MYO18B: variants seen among roughly 807,000 people sequenced by gnomAD.
The protein encoded by MYO18B is myosin XVIIIB.
MYO18B carries 204 observed loss-of-function variants against 273.0 expected under a neutral mutation model. The ratio of observed to expected loss-of-function variants is 0.75; its 90% CI spans 0.67 to 0.84. MYO18B has a LOEUF of 0.84. Among genes scored for constraint, MYO18B ranks in the 40% least tolerant of loss-of-function variants. The pLI, the probability that MYO18B is intolerant of heterozygous loss-of-function variation, is 0.00. For missense variants in MYO18B, 3,212 were observed against 3,287.6 expected (o/e 0.98, Z 0.56); for synonymous variants, 1,330 against 1,305.7 (o/e 1.02, Z -0.40).
chr22:25,914,729 C>A (rs1425716873), intron 33 of MYO18B, among the ~76,000 whole-genome samples: 1 of 99,674 alleles, frequency 1.0e-5, no homozygotes, highest in African/African-American at 4.1e-5. Context: ...TGGAGTCTCG[C>A]TCTGTCGCCC....
At chr22:25,994,749 A>C (rs1461330851) in intron 40 of MYO18B, among the ~76,000 whole-genome samples, 1 of 152,200 alleles carries the variant, frequency 6.6e-6, no homozygotes, top group Non-Finnish European at 1.5e-5. Flanking sequence ...TAGTGTAATT[A>C]CAAACTCCTT....
intron 34 of MYO18B, among the ~76,000 whole-genome samples, chr22:25,936,473 C>T (rs763818787): frequency 5.3e-5 from 8 of 152,170 alleles, no homozygotes; most frequent in Non-Finnish European, 1.2e-4. Flanking sequence ...TTAAAAGAGA[C>T]CTCGGTTCAG....
chr22:25,970,757 G>A (rs770802791), intron 39 of MYO18B, among the ~76,000 whole-genome samples: 1 of 152,190 alleles, frequency 6.6e-6, no homozygotes, highest in Non-Finnish European at 1.5e-5. Flanking sequence ...AGATGATGTG[G>A]TTGATGCTGT....
At chr22:25,767,628 C>G (rs1408959144) in intron 3 of MYO18B, among the ~76,000 whole-genome samples, 3 of 152,176 alleles carry the variant, frequency 2.0e-5, no homozygotes, top group Non-Finnish European at 4.4e-5. Context: ...GCCCTGAGTC[C>G]TTTCCTGGAT....
chr22:25,836,047 G>A (rs761516923), intron 17 of MYO18B, among the ~76,000 whole-genome samples: 4 of 152,178 alleles, frequency 2.6e-5, no homozygotes, highest in Non-Finnish European at 4.4e-5. Flanking sequence ...GAGCTGGCCT[G>A]CCCCAGGAGG....
intron 39 of MYO18B, among the ~76,000 whole-genome samples, chr22:25,971,329 G>A (rs2093034290): frequency 6.6e-6 from 1 of 152,210 alleles, no homozygotes. Context: ...ATCTCTTTCA[G>A]GCACCTGTCC....
intron 11 of MYO18B, among the ~76,000 whole-genome samples, chr22:25,797,387 G>A (rs1186590478): frequency 6.6e-6 from 1 of 152,082 alleles, no homozygotes; most frequent in African/African-American, 2.4e-5. Flanking sequence ...AATTTGATCT[G>A]CTCTATGCTA....
At position 25,846,268 on chromosome 22, in the gene MYO18B, G is replaced by C; in HGVS notation, c.3537G>C (p.Gln1179His). The C allele has an allele frequency of 6.2e-7, 1 of 1,611,698 alleles. No individual in the cohort carries two copies. Among genetic ancestry groups the C allele is most frequent in the Non-Finnish European group, 8.5e-7 (1 of 1,179,780 alleles). ...TGAGGAGGAAAGCCCCGTGCTCCCA[G>C]ATCAAGCTGCAGATGGTGAGTGGGC... ...AAVRRKAPCS[Q>H]IKLQMDALTS... The change falls in exon 19 of 44, where the codon CAG (glutamine) becomes CAC (histidine). Residue 1179 changes from glutamine (Q) to histidine (H), a missense_variant. Physicochemically the swap from Gln to His is conservative, Grantham distance 24 (BLOSUM62 0). Coordinates refer to ENST00000335473, the MANE Select transcript of MYO18B (RefSeq NM_032608.7).
intron 33 of MYO18B, among the ~76,000 whole-genome samples, chr22:25,919,150 A>G (rs6004831): frequency 0.068 from 10,378 of 151,894 alleles, 1,210 homozygotes; most frequent in African/African-American, 0.24. Context: ...TCTACCTAAA[A>G]TGCTCTTCCT....
At position 25,868,323 on chromosome 22, in the gene MYO18B, G is replaced by A. The variant is rs143444239; in HGVS notation, c.3889G>A (p.Val1297Met). The A allele has an allele frequency of 1.8e-4, 283 of 1,601,554 alleles. 1 individual carries two copies. The Admixed American group carries it at 4.1e-3, about 23-fold the overall frequency. Residue 1297 changes from valine to methionine, a missense_variant, in exon 22 of 44, where the codon GTG (valine) becomes ATG (methionine). By Grantham distance (21) the Val-to-Met change is conservative. Transcript: ENST00000335473. Reference protein sequence around the residue: ...TSEGIDERKAVEELLETLDLE... With the variant: ...TSEGIDERKAMEELLETLDLE... ...TTCTCTCTAATTTTTTCCCCAGGCC[G>A]TGGAGGAGCTCCTGGAGACCCTGGA...
At chr22:25,910,366 G>T (rs2092131343) in intron 32 of MYO18B, among the ~76,000 whole-genome samples, 1 of 152,052 alleles carries the variant, frequency 6.6e-6, no homozygotes, top group African/African-American at 2.4e-5. Context: ...GTGTCTTCAG[G>T]CACTCACCCC....
At chr22:25,921,929 A>G (rs927949144) in intron 34 of MYO18B, among the ~76,000 whole-genome samples, 1 of 152,060 alleles carries the variant, frequency 6.6e-6, no homozygotes, top group African/African-American at 2.4e-5. Context: ...CCAATGCTTA[A>G]CAATAGCAAC....
chr22:26,042,810 A>G, the MYO18B span, among the ~76,000 whole-genome samples: 1 of 152,264 alleles, frequency 6.6e-6, no homozygotes, highest in South Asian at 2.1e-4. Context: ...CCACAGAACT[A>G]AGCAGGAGCA....
At chr22:25,826,292 G>C (rs938806343) in intron 13 of MYO18B, 117 bp from the exon 14 acceptor site, 1 of 687,692 alleles carries the variant, frequency 1.5e-6, no homozygotes, top group Non-Finnish European at 2.5e-6. Flanking sequence ...GCAGTGGAGG[G>C]ATGTGGCAAG....
At chr22:25,785,809 T>G (rs937200817) in intron 11 of MYO18B, among the ~76,000 whole-genome samples, 1 of 152,204 alleles carries the variant, frequency 6.6e-6, no homozygotes, top group African/African-American at 2.4e-5. Flanking sequence ...CTGGTAGGTC[T>G]GTCTCTTCTT....
intron 21 of MYO18B, 110 bp from the exon 22 acceptor site, chr22:25,868,210 G>A (rs2090945155): frequency 2.3e-6 from 2 of 885,382 alleles, no homozygotes; most frequent in Admixed American, 4.3e-5. Context: ...TCACAGACAT[G>A]TGGGGTCATC....
chr22:25,755,447 C>T (rs972565709), intron 1 of MYO18B, among the ~76,000 whole-genome samples: 10 of 152,230 alleles, frequency 6.6e-5, no homozygotes, highest in Admixed American at 2.6e-4. Flanking sequence ...CTCAGGTGAT[C>T]CGCCTGCCTC....
intron 39 of MYO18B, among the ~76,000 whole-genome samples, chr22:25,975,609 C>T (rs1287139391): frequency 6.6e-6 from 1 of 152,178 alleles, no homozygotes; most frequent in Non-Finnish European, 1.5e-5. Context: ...TGCCCAAGGC[C>T]AGATAGCTAG....
chr22:25,996,287 G>GCATT (rs10552232), intron 40 of MYO18B, among the ~76,000 whole-genome samples: 1 of 151,616 alleles, frequency 6.6e-6, no homozygotes. Context: ...ATCATCAATT[G>GCATT]CATTCATTCA....
Sources: gnomAD v4.1 joint callset for allele counts (sites outside exome capture counted in the v4.1 genomes callset) on GRCh38, gnomAD v4.1.1 for gene constraint, MANE v1.5 for transcripts, NCBI Gene and HGNC (gene_info 2026-07-23, HGNC 2026-07-21) for gene names.